NHERF1: variants seen among roughly 807,000 people sequenced by gnomAD.
The protein encoded by NHERF1 is NHERF family PDZ scaffold protein 1, also known as Na(+)/H(+) exchange regulatory cofactor NHE-RF1.
the NHERF1 span, among the ~76,000 whole-genome samples, chr17:74,749,505 G>A: frequency 6.6e-6 from 1 of 152,218 alleles, no homozygotes; most frequent in Admixed American, 6.5e-5. The surrounding 1 kb of genome is among the most constrained non-coding windows in gnomAD (Gnocchi z 5.6). Context: ...AGGCTGTGCT[G>A]GGAGCTTGAG....
chr17:74,763,450 G>A, the NHERF1 span: 2 of 1,613,778 alleles, frequency 1.2e-6, no homozygotes, highest in Middle Eastern at 1.6e-4. Context: ...CCAAGCTGCT[G>A]GTGGTGGACA....
chr17:74,766,622 A>G, the NHERF1 span, among the ~76,000 whole-genome samples: 12 of 152,278 alleles, frequency 7.9e-5, no homozygotes, highest in South Asian at 8.3e-4. Flanking sequence ...TGAGTCATCA[A>G]AATGGCAAAC....
At chr17:74,757,786 G>A in the NHERF1 span, among the ~76,000 whole-genome samples, 1 of 152,096 alleles carries the variant, frequency 6.6e-6, no homozygotes. Context: ...TCCTGCCCCC[G>A]CCGTCCTGCC....
the NHERF1 span, among the ~76,000 whole-genome samples, chr17:74,765,388 T>TAGC: frequency 1.3e-5 from 2 of 151,528 alleles, no homozygotes; most frequent in Admixed American, 1.3e-4. Context: ...GTCTCCTGAG[T>TAGC]AGCCGGGACT....
At chr17:74,767,865 G>T in the NHERF1 span, 1 of 505,310 alleles carries the variant, frequency 2.0e-6, no homozygotes, top group Non-Finnish European at 3.7e-6. Flanking sequence ...AAGCCACATT[G>T]GAGTGGCCCA....
At chr17:74,760,085 G>A in the NHERF1 span, among the ~76,000 whole-genome samples, 1 of 152,186 alleles carries the variant, frequency 6.6e-6, no homozygotes, top group South Asian at 2.1e-4. The surrounding 1 kb of genome is among the most constrained non-coding windows in gnomAD (Gnocchi z 4.5). Context: ...TGGTGACGGC[G>A]ACTGGTCAGA....
At chr17:74,749,234 G>A in the NHERF1 span, 13 of 1,529,238 alleles carry the variant, frequency 8.5e-6, no homozygotes, top group Non-Finnish European at 1.1e-5. This position sits in a 1 kb window ranked among gnomAD's most constrained non-coding sequence, Gnocchi z 5.6. Flanking sequence ...CGAGGTGCAG[G>A]GGGCTGGCAA....
chr17:74,749,066 C>G, the NHERF1 span: 11 of 1,594,418 alleles, frequency 6.9e-6, no homozygotes, highest in Non-Finnish European at 9.4e-6. The surrounding 1 kb of genome is among the most constrained non-coding windows in gnomAD (Gnocchi z 5.6). Context: ...GACCCACCAG[C>G]AGGTGGTGAG....
the NHERF1 span, chr17:74,749,173 G>C: frequency 2.0e-6 from 3 of 1,534,018 alleles, no homozygotes; most frequent in South Asian, 3.6e-5. The surrounding 1 kb of genome is among the most constrained non-coding windows in gnomAD (Gnocchi z 5.6). Context: ...TCCGAGAGGA[G>C]CTGCTGCGCG....
At chr17:74,762,260 C>T in the NHERF1 span, 4 of 1,208,280 alleles carry the variant, frequency 3.3e-6, no homozygotes, top group Non-Finnish European at 4.5e-6. The surrounding 1 kb of genome is among the most constrained non-coding windows in gnomAD (Gnocchi z 4.2). Flanking sequence ...CCATCATGGG[C>T]TTGATTAGCC....
At chr17:74,763,661 A>C in the NHERF1 span, 1 of 833,854 alleles carries the variant, frequency 1.2e-6, no homozygotes, top group Non-Finnish European at 1.9e-6. Flanking sequence ...CCTTCATGGG[A>C]GGCCCAGAGG....
the NHERF1 span, chr17:74,748,843 C>T: frequency 1.3e-6 from 2 of 1,589,720 alleles, no homozygotes; most frequent in South Asian, 2.2e-5. This position sits in a 1 kb window ranked among gnomAD's most constrained non-coding sequence, Gnocchi z 4.3. Flanking sequence ...CGTCGCAGGG[C>T]GAGATGAGCG....
At chr17:74,758,641 C>A in the NHERF1 span, among the ~76,000 whole-genome samples, 27 of 152,196 alleles carry the variant, frequency 1.8e-4, no homozygotes, top group Admixed American at 2.0e-4. The surrounding 1 kb of genome is among the most constrained non-coding windows in gnomAD (Gnocchi z 4.3). Context: ...TGAGTCTCCT[C>A]CTCCCACCAT....
the NHERF1 span, chr17:74,768,517 C>G: frequency 6.2e-7 from 1 of 1,614,184 alleles, no homozygotes. Context: ...GCGCCCTCGT[C>G]TACCTCCTCC....
chr17:74,763,895 C>T, the NHERF1 span, among the ~76,000 whole-genome samples: 1 of 152,240 alleles, frequency 6.6e-6, no homozygotes, highest in African/African-American at 2.4e-5. Flanking sequence ...TCCGGGGAGG[C>T]CTCCAGCCTT....
the NHERF1 span, among the ~76,000 whole-genome samples, chr17:74,761,488 T>C: frequency 6.6e-6 from 1 of 152,206 alleles, no homozygotes; most frequent in Non-Finnish European, 1.5e-5. This position sits in a 1 kb window ranked among gnomAD's most constrained non-coding sequence, Gnocchi z 4.3. Context: ...AAGGCTTTAC[T>C]GTAAACACAC....
chr17:74,760,657 A>T, the NHERF1 span, among the ~76,000 whole-genome samples: 2 of 151,520 alleles, frequency 1.3e-5, no homozygotes, highest in Non-Finnish European at 2.9e-5. This position sits in a 1 kb window ranked among gnomAD's most constrained non-coding sequence, Gnocchi z 4.5. Flanking sequence ...TGGCACACAC[A>T]CCCCCACCCC....
chr17:74,768,702 C>T, the NHERF1 span: 6 of 1,569,022 alleles, frequency 3.8e-6, no homozygotes, highest in African/African-American at 2.7e-5. Flanking sequence ...GCCAGCATTC[C>T]ACCCCACCTT....
the NHERF1 span, chr17:74,749,049 A>C: frequency 4.9e-4 from 781 of 1,598,650 alleles, 4 homozygotes; most frequent in African/African-American, 9.1e-3. This position sits in a 1 kb window ranked among gnomAD's most constrained non-coding sequence, Gnocchi z 5.6. Context: ...GAAAACGTGG[A>C]GAAGGAGACC....
Sources: allele counts gnomAD v4.1 joint callset (sites outside exome capture counted in the v4.1 genomes callset), GRCh38; gene constraint gnomAD v4.1.1; non-coding constraint Gnocchi (gnomAD v3.1); transcripts MANE v1.5; gene names NCBI Gene and HGNC (gene_info 2026-07-23, HGNC 2026-07-21).